The following BICRAL variants were observed in gnomAD, a reference collection of about 807,000 sequenced individuals.
BICRAL encodes the protein BICRA like chromatin remodeling complex associated protein.
A neutral mutation model predicts 91.8 loss-of-function variants in BICRAL; 8 were observed. The ratio of observed to expected loss-of-function variants is 0.09; its 90% CI spans 0.05 to 0.16. The LOEUF (loss-of-function observed/expected upper bound fraction) is 0.16. Ranked by LOEUF, BICRAL falls within the 10% of genes least tolerant of loss-of-function variation. The pLI is 1.00. For missense variants in BICRAL, 1,038 were observed against 1,310.9 expected (o/e 0.79, Z 3.21); for synonymous variants, 445 against 491.1 (o/e 0.91, Z 1.24).
chr6:42,832,578 CGTGTGTGTGTGT>C lies in BICRAL; in HGVS notation c.1839+2425_1839+2436del, dbSNP rs59693040. Among the ~76,000 whole-genome samples the C allele has an allele frequency of 9.1e-5, 13 of 142,742 alleles. No individual in the cohort carries two copies. The South Asian group carries it at 2.9e-3, about 32-fold the overall frequency. The allele number at this position is 142,742 out of a possible 152,430, so 93.6% of individuals were successfully genotyped here. On this transcript the variant is annotated intron_variant, in intron 6 of 12. Transcript: ENST00000314073. Reference sequence around the variant, plus strand: ...TTTGGTTTCAAAGATATCAAAGGGGCGTGTGTGTGTGTGTGTGTGTGTGTGTGTGTTTGAAAT... The same window carrying C: ...TTTGGTTTCAAAGATATCAAAGGGGCGTGTGTGTGTGTGTGTGTTTGAAAT...
intron 1 of BICRAL, among the ~76,000 whole-genome samples, chr6:42,799,979 G>C (rs186584282): frequency 4.0e-5 from 6 of 151,804 alleles, no homozygotes; most frequent in Admixed American, 3.3e-4. Flanking sequence ...CCCCAGGTTC[G>C]AGCAATTCTC....
intron 6 of BICRAL, among the ~76,000 whole-genome samples, chr6:42,831,350 C>A (rs1764471534): frequency 1.3e-5 from 2 of 152,126 alleles, no homozygotes; most frequent in Admixed American, 1.3e-4. Context: ...GGGTAACTGG[C>A]CTGCCCCAGA....
intron 1 of BICRAL, among the ~76,000 whole-genome samples, chr6:42,804,690 G>A (rs1763661360): frequency 1.3e-5 from 2 of 152,178 alleles, no homozygotes; most frequent in Non-Finnish European, 1.5e-5. Flanking sequence ...GACAAGTGGG[G>A]TGGGTAGAGA....
intron 1 of BICRAL, among the ~76,000 whole-genome samples, chr6:42,782,333 T>TG (rs1762935655): frequency 7.2e-6 from 1 of 139,728 alleles, no homozygotes; most frequent in African/African-American, 2.7e-5. Flanking sequence ...CTGTGTTTTT[T>TG]TTTTTTTTTT....
At position 42,829,949 on chromosome 6, in the gene BICRAL, G is replaced by A. The variant is rs925110181; in HGVS notation, c.1616G>A (p.Arg539Gln). ...GTGACAAGCATGTCAGGACCTAGTC[G>A]GTTCCCTGCTGTCAGCTCAGCCAGC... ...PSVTSMSGPS[R>Q]FPAVSSASTA... Residue 539 changes from arginine (R) to glutamine (Q), a missense_variant, in exon 6 of 13, where the codon CGG becomes CAG. Physicochemically the swap from Arg to Gln is conservative, Grantham distance 43. Coordinates refer to ENST00000314073, the MANE Select transcript of BICRAL (RefSeq NM_001393499.1). 1.1e-5 allele frequency: 18 copies of A among 1,614,208 alleles called. No individual in the cohort carries two copies. Among genetic ancestry groups the A allele is most frequent in the Admixed American group, 6.7e-5 (4 of 60,030 alleles).
chr6:42,760,275 T>A (rs1166571524), intron 1 of BICRAL, among the ~76,000 whole-genome samples: 1 of 149,348 alleles, frequency 6.7e-6, no homozygotes, highest in Non-Finnish European at 1.5e-5. Context: ...CAAAAAAAAA[T>A]TGGGAGGCCG....
upstream of BICRAL, among the ~76,000 whole-genome samples, chr6:42,778,050 A>G (rs150670768): frequency 3.3e-5 from 5 of 152,322 alleles, no homozygotes; most frequent in East Asian, 1.9e-4. Flanking sequence ...TAATCTGGGG[A>G]AAAAGTTGTT....
At chr6:42,848,046 G>A (rs1204542830) in intron 6 of BICRAL, among the ~76,000 whole-genome samples, 1 of 151,894 alleles carries the variant, frequency 6.6e-6, no homozygotes, top group Non-Finnish European at 1.5e-5. Flanking sequence ...GGAGAACGGC[G>A]TGAACCCAGG....
chr6:42,758,932 A>G (rs1349268461), intron 1 of BICRAL, among the ~76,000 whole-genome samples: 1 of 152,214 alleles, frequency 6.6e-6, no homozygotes, highest in East Asian at 1.9e-4. Context: ...GCTTCCAGCA[A>G]CAGACAGGTC....
chr6:42,862,841 C>T (rs1765595728), intron 12 of BICRAL, among the ~76,000 whole-genome samples: 1 of 152,150 alleles, frequency 6.6e-6, no homozygotes, highest in Non-Finnish European at 1.5e-5. Context: ...GATTTCAAGG[C>T]TATATTCCCT....
intron 2 of BICRAL, among the ~76,000 whole-genome samples, chr6:42,816,601 TGAG>T (rs758771992): frequency 6.6e-6 from 1 of 152,096 alleles, no homozygotes; most frequent in Non-Finnish European, 1.5e-5. Flanking sequence ...TAAACTGACT[TGAG>T]GTTCTTGTAC....
chr6:42,853,619 C>T lies in BICRAL; in HGVS notation c.1946-19C>T, dbSNP rs750572703. The stretch of plus-strand genomic sequence containing the variant: ...TTACTGTTTCTTTTGAACACTGTCT[C>T]ATGTATTAATTCTAATAGGGCAGGA... On this transcript the variant is annotated intron_variant, in intron 7 of 12. Coordinates refer to ENST00000314073, the MANE Select transcript of BICRAL (RefSeq NM_001393499.1). 6.4e-7 allele frequency: 1 copy of T among 1,564,394 alleles called. No homozygotes were observed. Among genetic ancestry groups the T allele is most frequent in the Admixed American group, 1.7e-5 (1 of 59,944 alleles).
chr6:42,862,479 C>A, intron 11 of BICRAL, 31 bp from the exon 12 acceptor site: 3 of 1,371,634 alleles, frequency 2.2e-6, no homozygotes, highest in South Asian at 2.4e-5. Flanking sequence ...TAAAAATTGT[C>A]TATGAAATGA....
intron 1 of BICRAL, among the ~76,000 whole-genome samples, chr6:42,753,930 C>T (rs1762419934): frequency 6.7e-6 from 1 of 149,656 alleles, no homozygotes; most frequent in South Asian, 2.1e-4. Context: ...TGAGCACTTC[C>T]CAAAGTGCTG....
rs529598049 is a variant in BICRAL at position 42,786,450 on chromosome 6, T to G, written c.-102+4349T>G. ...TGCCAAAGTAATTATAATCTTTGAC[T>G]AGACTAAAATCCAATAAAGCTTGAA... On this transcript the variant is annotated intron_variant, in intron 1 of 12. Coordinates refer to ENST00000314073, the MANE Select transcript of BICRAL (RefSeq NM_001393499.1). Among the ~76,000 whole-genome samples the G allele has an allele frequency of 1.7e-3, 251 of 150,560 alleles. 1 individual carries two copies. Among genetic ancestry groups the G allele is most frequent in the African/African-American group, 5.8e-3 (236 of 40,378 alleles).
chr6:42,796,392 T>G (rs1763414355), intron 1 of BICRAL, among the ~76,000 whole-genome samples: 1 of 152,150 alleles, frequency 6.6e-6, no homozygotes, highest in Non-Finnish European at 1.5e-5. Context: ...TTTTGAGTTC[T>G]GGGCGTGGCA....
At chr6:42,783,952 C>T (rs1212888555) in intron 1 of BICRAL, among the ~76,000 whole-genome samples, 1 of 152,034 alleles carries the variant, frequency 6.6e-6, no homozygotes, top group Admixed American at 6.6e-5. Context: ...AAGTAGAGTC[C>T]AACCAGGTTA....
chr6:42,768,475 T>TCTGGCCAGCACTGGACAGAAG (rs1274268558), intron 1 of BICRAL, among the ~76,000 whole-genome samples: 2 of 152,238 alleles, frequency 1.3e-5, no homozygotes, highest in Non-Finnish European at 2.9e-5. Flanking sequence ...GAGCTGCTTC[T>TCTGGCCAGCACTGGACAGAAG]CTGGCCAGCA....
intron 6 of BICRAL, among the ~76,000 whole-genome samples, chr6:42,837,518 G>A (rs562329131): frequency 3.3e-5 from 5 of 151,770 alleles, no homozygotes; most frequent in African/African-American, 7.2e-5. Flanking sequence ...TTGGGAGGCC[G>A]AGGCAGGTGG....
Sources: gnomAD v4.1 joint callset for allele counts (sites outside exome capture counted in the v4.1 genomes callset) on GRCh38, gnomAD v4.1.1 for gene constraint, MANE v1.5 for transcripts, NCBI Gene and HGNC (gene_info 2026-07-23, HGNC 2026-07-21) for gene names.